Variants in LRCH1 observed in about 807,000 individuals in gnomAD.
LRCH1 encodes the protein leucine rich repeats and calponin homology domain containing 1.
LRCH1 carries 23 observed loss-of-function variants against 94.9 expected under a neutral mutation model. The ratio of observed to expected loss-of-function variants is 0.24; its 90% CI spans 0.17 to 0.34. LRCH1 has a LOEUF of 0.34. LRCH1 is among the 10% of genes least tolerant of loss of function. The pLI is 1.00. For missense variants in LRCH1, 790 were observed against 945.9 expected, an observed-to-expected ratio of 0.84 and a Z score of 2.16; for synonymous variants, 364 against 354.9, an observed-to-expected ratio of 1.03 and a Z score of -0.29.
chr13:46,620,203 A>G (rs1187058860), intron 1 of LRCH1, among the ~76,000 whole-genome samples: 1 of 152,102 alleles, frequency 6.6e-6, no homozygotes, highest in Non-Finnish European at 1.5e-5. Context: ...TTTCTTGCAT[A>G]TCCTTCTGCA....
intron 2 of LRCH1, among the ~76,000 whole-genome samples, chr13:46,662,363 A>G (rs1362452942): frequency 6.6e-6 from 1 of 152,194 alleles, no homozygotes; most frequent in Non-Finnish European, 1.5e-5. Context: ...TTAGGCCGCT[A>G]CAAGTCTTAA....
chr13:46,692,874 C>A (rs1445648341), intron 8 of LRCH1, among the ~76,000 whole-genome samples: 3 of 151,950 alleles, frequency 2.0e-5, no homozygotes, highest in Admixed American at 2.0e-4. Context: ...GTTTAAGTAA[C>A]TTGCCATTGG....
At chr13:46,639,060 T>C (rs1236423081) in intron 1 of LRCH1, among the ~76,000 whole-genome samples, 1 of 152,238 alleles carries the variant, frequency 6.6e-6, no homozygotes, top group African/African-American at 2.4e-5. Context: ...GGTTTGGTCA[T>C]TTTTATTATA....
intron 1 of LRCH1, among the ~76,000 whole-genome samples, chr13:46,590,526 G>A (rs117816797): frequency 0.034 from 5,117 of 152,214 alleles, 120 homozygotes; most frequent in Non-Finnish European, 0.053. Flanking sequence ...TTGGCCAGGC[G>A]TGGTGGCTCA....
At chr13:46,728,737 A>G in intron 17 of LRCH1, 110 bp from the exon 18 acceptor site, 1 of 1,025,122 alleles carries the variant, frequency 9.8e-7, no homozygotes, top group Non-Finnish European at 1.4e-6. Flanking sequence ...TGTTATCCTT[A>G]TTTCCTATGA....
At chr13:46,610,873 G>T (rs574036932) in intron 1 of LRCH1, among the ~76,000 whole-genome samples, 1 of 152,282 alleles carries the variant, frequency 6.6e-6, no homozygotes, top group East Asian at 1.9e-4. Context: ...GGGCATTTAG[G>T]TAAGCAGCAT....
chr13:46,681,895 T>C (rs1046450417), intron 4 of LRCH1, 49 bp downstream of exon 4: 2 of 1,246,994 alleles, frequency 1.6e-6, no homozygotes, highest in Admixed American at 3.7e-5. Context: ...TTGCATTATT[T>C]TATGTTTTGG....
At chr13:46,578,573 A>G (rs2050329043) in intron 1 of LRCH1, among the ~76,000 whole-genome samples, 1 of 152,186 alleles carries the variant, frequency 6.6e-6, no homozygotes, top group African/African-American at 2.4e-5. Context: ...CAGAAGTACC[A>G]TGTTCTTCTC....
At chr13:46,660,224 C>G (rs891881765) in intron 2 of LRCH1, among the ~76,000 whole-genome samples, 2 of 151,702 alleles carry the variant, frequency 1.3e-5, no homozygotes, top group African/African-American at 4.8e-5. Flanking sequence ...CTGTGTTGGC[C>G]AGGATGGTCT....
chr13:46,673,870 TC>T (rs1405663670), intron 3 of LRCH1, among the ~76,000 whole-genome samples: 1 of 150,296 alleles, frequency 6.7e-6, no homozygotes, highest in Non-Finnish European at 1.5e-5. Flanking sequence ...AGGCTCCGCC[TC>T]CCAGGTTCAA....
rs549060217 is a variant in LRCH1 at position 46,558,770 on chromosome 13, A to G, written c.307+5067A>G. On this transcript the variant is annotated intron_variant, in intron 1 of 19. Transcript: ENST00000389797. Reference sequence around the variant, plus strand: ...AAACAAATGAACCTGACAGTCTAAGATTCTGTGAATAAAAGAAACAGAGAG... The same window carrying G: ...AAACAAATGAACCTGACAGTCTAAGGTTCTGTGAATAAAAGAAACAGAGAG... Among the ~76,000 whole-genome samples, 3 of 152,044 alleles carry G rather than the reference A, an allele frequency of 2.0e-5. No individual in the cohort carries two copies. In the East Asian group the frequency reaches 5.8e-4, roughly 29 times the overall value.
At position 46,689,279 on chromosome 13, in the gene LRCH1, G is replaced by A. The variant is rs571973008; in HGVS notation, c.1014+83G>A. 5.7e-5 allele frequency: 56 copies of A among 983,578 alleles called. No homozygotes were observed. In the African/African-American group the frequency reaches 7.3e-4, roughly 13 times the overall value. 60.9% of individuals were successfully genotyped at this position (983,578 alleles called of 1,614,324 possible). ...TCATTGAACTCCTTTCTGTTAAAGG[G>A]CATCGATTCATTTGTATATTCATGT... On this transcript the variant is annotated intron_variant, in intron 7 of 19. Transcript: ENST00000389797.
intron 3 of LRCH1, among the ~76,000 whole-genome samples, chr13:46,670,182 G>A (rs958032064): frequency 1.3e-5 from 2 of 152,198 alleles, no homozygotes; most frequent in Admixed American, 6.5e-5. Flanking sequence ...GTAGAAAGAC[G>A]TTAGAGCTAT....
chr13:46,610,123 T>G (rs2050731931), intron 1 of LRCH1, among the ~76,000 whole-genome samples: 1 of 152,214 alleles, frequency 6.6e-6, no homozygotes, highest in Non-Finnish European at 1.5e-5. Context: ...GAATGCTCAC[T>G]TTCTAGACCT....
At position 46,666,362 on chromosome 13, in the gene LRCH1, G is replaced by A. The variant is rs111324033; in HGVS notation, c.453-2668G>A. On this transcript the variant is annotated intron_variant, in intron 2 of 19. Coordinates refer to ENST00000389797, the MANE Select transcript of LRCH1 (RefSeq NM_001164211.2). ...AACCCATGTAATCTCAAATACTCAC[G>A]CATCTGAATGAGCAGAACTTTCTTT... 4.9e-3 allele frequency among the ~76,000 whole-genome samples: 749 copies of A among 152,276 alleles called. 12 individuals are homozygous for A. Among genetic ancestry groups the A allele is most frequent in the African/African-American group, 0.017 (723 of 41,558 alleles).
chr13:46,731,847 A>G (rs1873125996), intron 18 of LRCH1, among the ~76,000 whole-genome samples: 1 of 151,862 alleles, frequency 6.6e-6, no homozygotes, highest in African/African-American at 2.4e-5. Flanking sequence ...CAGCGTCACT[A>G]GCTCCCTTTC....
intron 14 of LRCH1, 64 bp from the exon 15 acceptor site, chr13:46,712,461 C>G (rs1009600037): frequency 1.6e-6 from 2 of 1,254,650 alleles, no homozygotes; most frequent in Non-Finnish European, 2.3e-6. Flanking sequence ...CATAGAAAAC[C>G]ATACATAGTT....
At chr13:46,745,235 T>C (rs1160712432), downstream of LRCH1, among the ~76,000 whole-genome samples, 1 of 152,026 alleles carries the variant, frequency 6.6e-6, no homozygotes, top group Non-Finnish European at 1.5e-5. Context: ...TGTGGCTGTG[T>C]GCCAATAAAA....
At chr13:46,717,133 A>G (rs1872362601) in intron 16 of LRCH1, among the ~76,000 whole-genome samples, 1 of 152,168 alleles carries the variant, frequency 6.6e-6, no homozygotes, top group Non-Finnish European at 1.5e-5. Flanking sequence ...CGAACAGACT[A>G]AAACCAGAAA....
Sources: gnomAD v4.1 joint callset for allele counts (sites outside exome capture counted in the v4.1 genomes callset) on GRCh38, gnomAD v4.1.1 for gene constraint, MANE v1.5 for transcripts, NCBI Gene and HGNC (gene_info 2026-07-23, HGNC 2026-07-21) for gene names.